FBXL2: variants seen among roughly 807,000 people sequenced by gnomAD.
FBXL2 encodes F-box/LRR-repeat protein 2.
In FBXL2, 38 loss-of-function variants were observed where a neutral mutation model predicts 69.2. That is an observed-to-expected ratio of 0.55 (90% confidence interval 0.42 to 0.72). The LOEUF (loss-of-function observed/expected upper bound fraction) is 0.72. Among genes scored for constraint, FBXL2 ranks in the 30% least tolerant of loss-of-function variants. FBXL2 has a pLI of 0.00. For synonymous variants in FBXL2, 192 were observed against 201.3 expected (o/e 0.95, Z 0.39); for missense variants, 354 against 520.3 (o/e 0.68, Z 3.11).
intron 9 of FBXL2, among the ~76,000 whole-genome samples, chr3:33,374,384 CA>C (rs1280402125): frequency 1.3e-5 from 2 of 152,126 alleles, no homozygotes; most frequent in Admixed American, 1.3e-4. Context: ...TTCATCAGGA[CA>C]TTAGCCTATG....
chr3:33,388,691 C>T (rs531556173), downstream of FBXL2: 1 of 151,968 alleles, frequency 6.6e-6, no homozygotes, highest in Non-Finnish European at 1.5e-5. Context: ...TGTGGTCACA[C>T]GAAAGCAAAG....
chr3:33,285,023 T>C (rs7625576), intron 1 of FBXL2, among the ~76,000 whole-genome samples: 2 of 152,048 alleles, frequency 1.3e-5, no homozygotes, highest in South Asian at 4.1e-4. Context: ...TTTAATTGGA[T>C]CATTTAGCCC....
chr3:33,388,937 T>C (rs556322658), downstream of FBXL2: 2 of 152,220 alleles, frequency 1.3e-5, no homozygotes, highest in South Asian at 2.1e-4. Context: ...GAGGATCAAA[T>C]AGTACATTCA....
At chr3:33,339,097 C>A (rs2039815760) in intron 2 of FBXL2, among the ~76,000 whole-genome samples, 1 of 151,964 alleles carries the variant, frequency 6.6e-6, no homozygotes, top group African/African-American at 2.4e-5. Context: ...AACAAAAAAA[C>A]CCTTTTAAAA....
intron 13 of FBXL2, among the ~76,000 whole-genome samples, chr3:33,381,006 T>TG (rs2043016385): frequency 6.6e-6 from 1 of 152,208 alleles, no homozygotes; most frequent in Admixed American, 6.5e-5. Context: ...CAGACAGCTT[T>TG]GACTATTGAC....
chr3:33,325,527 T>C (rs2038620979), intron 2 of FBXL2, among the ~76,000 whole-genome samples: 1 of 152,206 alleles, frequency 6.6e-6, no homozygotes, highest in Non-Finnish European at 1.5e-5. Flanking sequence ...GTTGAAGGCC[T>C]TTTCTGCATC....
intron 2 of FBXL2, among the ~76,000 whole-genome samples, chr3:33,333,244 T>C (rs1194610814): frequency 1.3e-5 from 2 of 152,136 alleles, no homozygotes; most frequent in African/African-American, 4.8e-5. Context: ...TAAAAATAAG[T>C]ATTGATTGTT....
At chr3:33,310,773 A>G (rs535241251) in intron 2 of FBXL2, among the ~76,000 whole-genome samples, 7 of 151,610 alleles carry the variant, frequency 4.6e-5, no homozygotes, top group Admixed American at 2.0e-4. Flanking sequence ...AAAAAAAATT[A>G]TATATTTAAA....
chr3:33,353,413 T>C (rs2040971255), intron 2 of FBXL2, among the ~76,000 whole-genome samples: 1 of 152,230 alleles, frequency 6.6e-6, no homozygotes, highest in South Asian at 2.1e-4. Context: ...ATAAACAAAC[T>C]GGTATATTCA....
chr3:33,421,674 T>C, the FBXL2 span, among the ~76,000 whole-genome samples: 3 of 152,372 alleles, frequency 2.0e-5, no homozygotes, highest in Admixed American at 1.3e-4. Context: ...CTCCAATTTC[T>C]ACTGACAAAG....
chr3:33,360,334 A>C (rs927817173), intron 4 of FBXL2, among the ~76,000 whole-genome samples: 1 of 152,174 alleles, frequency 6.6e-6, no homozygotes, highest in Non-Finnish European at 1.5e-5. Flanking sequence ...GATCTAGGTC[A>C]GTTGTGGAGA....
chr3:33,280,897 C>A (rs536491307), intron 1 of FBXL2, among the ~76,000 whole-genome samples: 20 of 151,986 alleles, frequency 1.3e-4, no homozygotes, highest in African/African-American at 4.8e-4. Flanking sequence ...ATATAATTTT[C>A]CAGTTTAATT....
downstream of FBXL2, chr3:33,392,352 A>AT (rs375416166): frequency 8.6e-4 from 401 of 467,746 alleles, no homozygotes; most frequent in South Asian, 1.1e-3. Context: ...ATGAATTGAG[A>AT]TTTTTTTTTC....
intron 2 of FBXL2, among the ~76,000 whole-genome samples, chr3:33,331,084 G>A (rs748615550): frequency 1.3e-5 from 2 of 151,198 alleles, no homozygotes; most frequent in Non-Finnish European, 1.5e-5. Context: ...TAATGCACCC[G>A]GTTTCATTTG....
intron 2 of FBXL2, among the ~76,000 whole-genome samples, chr3:33,350,781 T>C (rs1559587699): frequency 1.3e-5 from 2 of 152,024 alleles, no homozygotes; most frequent in Non-Finnish European, 2.9e-5. Flanking sequence ...CTCCCTGAGA[T>C]TGGGAAAGAA....
the FBXL2 span, among the ~76,000 whole-genome samples, chr3:33,421,748 C>T: frequency 6.6e-6 from 1 of 152,214 alleles, no homozygotes; most frequent in South Asian, 2.1e-4. Flanking sequence ...AAATATTCTT[C>T]ATCAAGAATG....
Position 33,292,009 on chromosome 3 carries a change from G to A in FBXL2, c.4-5655G>A, listed in dbSNP as rs2035271169. ...CAAAAAGCATAAGAAAGTTGATGTTGCTATATTAACAAAGTAGACTTTAAA... is the reference window on the plus strand; with the variant it reads ...CAAAAAGCATAAGAAAGTTGATGTTACTATATTAACAAAGTAGACTTTAAA... On this transcript the variant is annotated intron_variant, in intron 1 of 14. Transcript: ENST00000484457. Among the ~76,000 whole-genome samples, 3 of 152,128 alleles carry A rather than the reference G, an allele frequency of 2.0e-5. No homozygotes were observed. The South Asian group carries it at 6.2e-4, about 32-fold the overall frequency.
intron 12 of FBXL2, chr3:33,400,990 C>A: frequency 6.3e-7 from 1 of 1,592,738 alleles, no homozygotes. Context: ...AGCTCCATCT[C>A]CCTGATGATT....
intron 2 of FBXL2, among the ~76,000 whole-genome samples, chr3:33,353,826 T>C (rs890728629): frequency 1.3e-5 from 2 of 152,010 alleles, no homozygotes; most frequent in Non-Finnish European, 2.9e-5. Context: ...AGGTTGAGGC[T>C]GCAGTGAGCC....
Sources: allele counts gnomAD v4.1 joint callset (sites outside exome capture counted in the v4.1 genomes callset), GRCh38; gene constraint gnomAD v4.1.1; transcripts MANE v1.5; gene names NCBI Gene and HGNC (gene_info 2026-07-23, HGNC 2026-07-21).